RACGAP1: variants seen among roughly 807,000 people sequenced by gnomAD.
RACGAP1 encodes the protein rac GTPase-activating protein 1.
Under a neutral mutation model 78.1 loss-of-function variants are expected in RACGAP1, and 30 were observed. The observed-to-expected ratio is 0.38, with a 90% CI of 0.29 to 0.52. The LOEUF (loss-of-function observed/expected upper bound fraction) is 0.52. Among genes scored for constraint, RACGAP1 ranks in the 20% least tolerant of loss-of-function variants. The probability of loss-of-function intolerance (pLI) is 0.82; values close to 1 mark genes in which losing one functional copy is unlikely to be tolerated. For missense variants in RACGAP1, 587 were observed against 777.1 expected, an observed-to-expected ratio of 0.76 and a Z score of 2.91; for synonymous variants, 231 against 264.8, an observed-to-expected ratio of 0.87 and a Z score of 1.24.
chr12:50,008,122 C>T (rs1021605931), intron 2 of RACGAP1, among the ~76,000 whole-genome samples: 1 of 113,490 alleles, frequency 8.8e-6, no homozygotes. Context: ...AGAACATTTA[C>T]ATACCTGATT....
At chr12:49,991,156 T>C (rs1947812189) in intron 15 of RACGAP1, among the ~76,000 whole-genome samples, 1 of 152,058 alleles carries the variant, frequency 6.6e-6, no homozygotes, top group Non-Finnish European at 1.5e-5. Flanking sequence ...CCTATTCATA[T>C]AAAATTGTTG....
upstream of RACGAP1, among the ~76,000 whole-genome samples, chr12:50,028,330 T>C (rs139994332): frequency 4.5e-4 from 68 of 152,342 alleles, no homozygotes; most frequent in Non-Finnish European, 8.5e-4. Context: ...CCTCAATTAC[T>C]GAGTGAAACT....
chr12:50,015,907 A>G (rs970773746), intron 2 of RACGAP1, among the ~76,000 whole-genome samples: 3 of 151,654 alleles, frequency 2.0e-5, no homozygotes, highest in Non-Finnish European at 2.9e-5. Context: ...AAAAAAAAGA[A>G]AAAAGAAGAA....
In RACGAP1 at chr12:49,992,140, G is replaced by C. The variant is rs1426131260; in HGVS notation, c.1579-7C>G. 1.9e-6 allele frequency: 3 copies of C among 1,613,232 alleles called. No individual in the cohort carries two copies. Among genetic ancestry groups the C allele is most frequent in the Non-Finnish European group, 2.5e-6 (3 of 1,179,678 alleles). ...AAAGCAGGCGCTCAACCACCTAAAA[G>C]CCAGCAAATCTGTTAGCAAACTTCC... On this transcript the variant is annotated splice_polypyrimidine_tract_variant and splice_region_variant and intron_variant, in intron 14 of 16. Coordinates refer to ENST00000312377, the MANE Select transcript of RACGAP1 (RefSeq NM_001319999.2).
chr12:50,006,967 TAC>T (rs1240531254), intron 2 of RACGAP1, among the ~76,000 whole-genome samples: 1 of 152,178 alleles, frequency 6.6e-6, no homozygotes, highest in African/African-American at 2.4e-5. Context: ...CAAAGGGGGA[TAC>T]CTTTGGGGCA....
At position 50,011,885 on chromosome 12, in the gene RACGAP1, C is replaced by T. The variant is rs918938170; in HGVS notation, c.85+4746G>A. On this transcript the variant is annotated intron_variant, in intron 2 of 16. Coordinates refer to ENST00000312377, the MANE Select transcript of RACGAP1 (RefSeq NM_001319999.2). Reference sequence around the variant, plus strand: ...AAGAGAATGGCGTGAATCTGGGAGGCGGAGCTGGCAGTGAGCCGAGATCGT... The same window carrying T: ...AAGAGAATGGCGTGAATCTGGGAGGTGGAGCTGGCAGTGAGCCGAGATCGT... Among the ~76,000 whole-genome samples, 18 of 135,996 alleles carry T rather than the reference C, an allele frequency of 1.3e-4. 1 individual carries two copies. Among genetic ancestry groups the T allele is most frequent in the Non-Finnish European group, 4.6e-5 (3 of 65,828 alleles). 89.2% of individuals were successfully genotyped at this position (135,996 alleles called of 152,430 possible).
intron 1 of RACGAP1, chr12:50,021,325 GA>G (rs919250876): frequency 6.2e-6 from 1 of 161,428 alleles, no homozygotes; most frequent in African/African-American, 2.4e-5. Flanking sequence ...TCAGTTTGTG[GA>G]GCACTTTAAA....
At chr12:50,005,104 GCCTTTATTCCCCA>G in intron 4 of RACGAP1, 139 bp downstream of exon 4, 1 of 976,626 alleles carries the variant, frequency 1.0e-6, no homozygotes. Flanking sequence ...ACATCCCTGT[GCCTTTATTCCCCA>G]CCTACTCTCC....
In RACGAP1 at chr12:49,994,342, T is replaced by C; in HGVS notation, c.1141-13A>G. The C allele has an allele frequency of 1.2e-6, 2 of 1,612,870 alleles. No homozygotes were observed. The highest frequency in any genetic ancestry group is 1.7e-6 in the Non-Finnish European group (2 of 1,179,678). On this transcript the variant is annotated splice_polypyrimidine_tract_variant and intron_variant, in intron 11 of 16. Coordinates refer to ENST00000312377, the MANE Select transcript of RACGAP1 (RefSeq NM_001319999.2). ...TATACAGGCCTGTCTATTATCAAGA[T>C]GACATTTTTATTTAAAAACCTCCGA...
intron 1 of RACGAP1, among the ~76,000 whole-genome samples, chr12:50,019,205 T>C (rs912056714): frequency 6.6e-6 from 1 of 152,126 alleles, no homozygotes; most frequent in Non-Finnish European, 1.5e-5. Context: ...TTGCAGGTTG[T>C]CACCACTCAC....
intron 10 of RACGAP1, among the ~76,000 whole-genome samples, chr12:49,995,763 G>A (rs571162391): frequency 6.6e-6 from 1 of 152,068 alleles, no homozygotes; most frequent in African/African-American, 2.4e-5. Context: ...CCAAAGTGCT[G>A]GGATTACAGG....
chr12:50,023,944 G>T (rs1017109045), intron 1 of RACGAP1, among the ~76,000 whole-genome samples: 20 of 152,040 alleles, frequency 1.3e-4, no homozygotes, highest in African/African-American at 4.6e-4. Flanking sequence ...GGCAGATCAG[G>T]AGGTCAGTAG....
intron 1 of RACGAP1, among the ~76,000 whole-genome samples, chr12:50,018,035 G>T (rs1949776302): frequency 6.6e-6 from 1 of 151,846 alleles, no homozygotes; most frequent in African/African-American, 2.4e-5. Flanking sequence ...ATGTGTGCCT[G>T]TAATTCCAGC....
At chr12:49,999,937 C>T (rs914528161) in intron 7 of RACGAP1, among the ~76,000 whole-genome samples, 13 of 151,702 alleles carry the variant, frequency 8.6e-5, no homozygotes, top group Non-Finnish European at 1.9e-4. Context: ...CTGCAACCTC[C>T]GCCTCCCAGG....
chr12:49,992,979 T>C (rs1565657777), intron 12 of RACGAP1, among the ~76,000 whole-genome samples: 1 of 152,184 alleles, frequency 6.6e-6, no homozygotes, highest in Non-Finnish European at 1.5e-5. Context: ...GGGCCTACGA[T>C]GTGCCAGGTA....
chr12:50,020,257 A>T (rs1949932224), intron 1 of RACGAP1, among the ~76,000 whole-genome samples: 1 of 56,566 alleles, frequency 1.8e-5, no homozygotes, highest in Non-Finnish European at 1.0e-4. Context: ...GGTTCACCGC[A>T]ACTTCCATTT....
At chr12:49,991,638 G>A (rs1416529603) in intron 15 of RACGAP1, among the ~76,000 whole-genome samples, 4 of 149,886 alleles carry the variant, frequency 2.7e-5, no homozygotes, top group South Asian at 2.1e-4. Context: ...ACAGGCATGC[G>A]CCACCACACC....
intron 2 of RACGAP1, among the ~76,000 whole-genome samples, chr12:50,011,916 T>C (rs1328352704): frequency 7.1e-6 from 1 of 140,538 alleles, no homozygotes; most frequent in Non-Finnish European, 1.5e-5. Context: ...ATCGTGCCAC[T>C]GTACTCCAGC....
chr12:50,025,926 GACAC>G (rs1019340296), upstream of RACGAP1, among the ~76,000 whole-genome samples: 4 of 152,064 alleles, frequency 2.6e-5, no homozygotes, highest in African/African-American at 9.7e-5. Flanking sequence ...ACTTTTATTT[GACAC>G]ACATTGAATG....
Sources: gnomAD v4.1 joint callset for allele counts (sites outside exome capture counted in the v4.1 genomes callset) on GRCh38, gnomAD v4.1.1 for gene constraint, MANE v1.5 for transcripts, NCBI Gene and HGNC (gene_info 2026-07-23, HGNC 2026-07-21) for gene names.